Variants in KALRN observed in about 807,000 individuals in gnomAD.
KALRN encodes the protein kalirin RhoGEF kinase.
KALRN carries 70 observed loss-of-function variants against 353.7 expected under a neutral mutation model. The ratio of observed to expected loss-of-function variants is 0.20; its 90% CI spans 0.16 to 0.24. KALRN has a LOEUF of 0.24. KALRN is among the 10% of genes least tolerant of loss of function. The probability of loss-of-function intolerance (pLI) is 1.00; values close to 1 mark genes in which losing one functional copy is unlikely to be tolerated. For missense variants in KALRN, 2,791 were observed against 3,756.7 expected (o/e 0.74, Z 6.72); for synonymous variants, 1,391 against 1,434.8 (o/e 0.97, Z 0.69).
At chr3:124,395,377 C>G in intron 12 of KALRN, 34 bp downstream of exon 12, 1 of 1,557,442 alleles carries the variant, frequency 6.4e-7, no homozygotes, top group Non-Finnish European at 8.8e-7. Flanking sequence ...GTGGGAAATG[C>G]CTCGGGCTAG....
At chr3:124,659,703 T>G (rs1439947873) in intron 43 of KALRN, among the ~76,000 whole-genome samples, 1 of 152,154 alleles carries the variant, frequency 6.6e-6, no homozygotes. Flanking sequence ...CTTGATTTTA[T>G]TTTTTCAATT....
chr3:124,270,077 A>C (rs1278820385), intron 5 of KALRN, among the ~76,000 whole-genome samples: 1 of 152,240 alleles, frequency 6.6e-6, no homozygotes, highest in Non-Finnish European at 1.5e-5. Flanking sequence ...TGAGGATACA[A>C]AGGTATCTTT....
At chr3:124,430,891 G>A (rs1035152036) in intron 16 of KALRN, 116 bp downstream of exon 16, 58 of 1,285,782 alleles carry the variant, frequency 4.5e-5, no homozygotes, top group Non-Finnish European at 6.1e-5. Context: ...ACCCCTTCTA[G>A]TAGAATGGTC....
intron 51 of KALRN, among the ~76,000 whole-genome samples, chr3:124,692,870 C>T (rs2061884346): frequency 6.6e-6 from 1 of 152,192 alleles, no homozygotes; most frequent in Non-Finnish European, 1.5e-5. Flanking sequence ...TTTTTTAAAA[C>T]AATGCCAGGC....
rs535015047 is a variant in KALRN, at chr3:124,168,654, C to A, written c.74-59336C>A. ...AGGTGACTCTACCCTCTCTGCTTATCTCTTGGTCAACTTTCCGTCTGCTTC... is the reference window on the plus strand; with the variant it reads ...AGGTGACTCTACCCTCTCTGCTTATATCTTGGTCAACTTTCCGTCTGCTTC... On this transcript the variant is annotated intron_variant, in intron 1 of 59. Transcript: ENST00000682506. 2.0e-5 allele frequency among the ~76,000 whole-genome samples: 3 copies of A among 152,314 alleles called. No individual in the cohort carries two copies. In the South Asian group the frequency reaches 6.2e-4, roughly 32 times the overall value.
chr3:124,462,517 C>T lies in KALRN; in HGVS notation c.3922-7C>T, dbSNP rs771633415. 7.7e-6 allele frequency: 12 copies of T among 1,554,360 alleles called. No individual in the cohort carries two copies. The highest frequency in any genetic ancestry group is 9.8e-6 in the Non-Finnish European group (11 of 1,125,942). On this transcript the variant is annotated splice_region_variant and splice_polypyrimidine_tract_variant and intron_variant, in intron 24 of 59. Coordinates refer to ENST00000682506, the MANE Select transcript of KALRN (RefSeq NM_001388419.1). ...TTGCCAGTGATGAAACTGTTACTGT[C>T]TTACAGACCTACCTGTGGGAAATGA...
intron 13 of KALRN, among the ~76,000 whole-genome samples, chr3:124,399,350 CT>C (rs1455184314): frequency 1.3e-5 from 2 of 152,136 alleles, no homozygotes; most frequent in African/African-American, 4.8e-5. Flanking sequence ...GTTGGTCAGG[CT>C]GGTCTCGAAC....
chr3:124,209,636 A>G (rs1038580914), intron 1 of KALRN, among the ~76,000 whole-genome samples: 6 of 152,178 alleles, frequency 3.9e-5, no homozygotes, highest in African/African-American at 1.4e-4. Context: ...GTTTTAGAGA[A>G]ACCACTAAGA....
chr3:124,230,569 A>G (rs1013724653), intron 2 of KALRN, among the ~76,000 whole-genome samples: 1 of 152,216 alleles, frequency 6.6e-6, no homozygotes, highest in African/African-American at 2.4e-5. Context: ...AGCTCATAGA[A>G]GCAACGTGGC....
At chr3:124,651,623 T>C (rs2083423461) in intron 38 of KALRN, among the ~76,000 whole-genome samples, 1 of 146,964 alleles carries the variant, frequency 6.8e-6, no homozygotes, top group African/African-American at 2.5e-5. Context: ...TTTCATTTTC[T>C]TTTTCTTTTC....
chr3:124,064,604 TGAG>T (rs561029806), intron 1 of KALRN, among the ~76,000 whole-genome samples: 1 of 152,116 alleles, frequency 6.6e-6, no homozygotes, highest in African/African-American at 2.4e-5. Flanking sequence ...CACCTAGGGT[TGAG>T]GAGGAAATCT....
intron 10 of KALRN, among the ~76,000 whole-genome samples, chr3:124,365,391 A>C (rs576865999): frequency 6.6e-6 from 1 of 152,296 alleles, no homozygotes; most frequent in African/African-American, 2.4e-5. Flanking sequence ...CCAACACTAC[A>C]GTATGGTTCT....
chr3:124,434,564 G>T lies in KALRN; in HGVS notation c.3048+39G>T, dbSNP rs774228406. On this transcript the variant is annotated intron_variant, in intron 17 of 59. Coordinates refer to ENST00000682506, the MANE Select transcript of KALRN (RefSeq NM_001388419.1). ...CTGTGGGGCTTGTGGGGCTGAGATT[G>T]CCAGGGGGCCATTTTCTGCCTTGCA... The T allele has an allele frequency of 3.1e-6, 5 of 1,593,884 alleles. No homozygotes were observed. In the South Asian group the frequency reaches 5.6e-5, roughly 18 times the overall value.
intron 3 of KALRN, among the ~76,000 whole-genome samples, chr3:124,254,278 G>T (rs548364618): frequency 1.3e-5 from 2 of 152,186 alleles, no homozygotes; most frequent in African/African-American, 4.8e-5. Context: ...TGGCCCAAAT[G>T]GCTAAGATAT....
chr3:124,375,003 T>C (rs896273336), intron 10 of KALRN, among the ~76,000 whole-genome samples: 2 of 152,204 alleles, frequency 1.3e-5, no homozygotes, highest in Non-Finnish European at 2.9e-5. Flanking sequence ...CATCTGTATA[T>C]TTAAGTCTAT....
intron 3 of KALRN, among the ~76,000 whole-genome samples, chr3:124,259,349 T>C (rs949072345): frequency 6.6e-6 from 1 of 152,194 alleles, no homozygotes; most frequent in Non-Finnish European, 1.5e-5. Context: ...AGGCATCAGC[T>C]GATAGCTCCA....
intron 3 of KALRN, among the ~76,000 whole-genome samples, chr3:124,240,864 G>A (rs575061364): frequency 1.6e-4 from 25 of 152,220 alleles, no homozygotes; most frequent in South Asian, 4.2e-4. Context: ...GGTATTGTGA[G>A]GAATTATCTA....
chr3:124,692,689 G>A (rs1254265163), intron 51 of KALRN, among the ~76,000 whole-genome samples: 3 of 152,166 alleles, frequency 2.0e-5, no homozygotes, highest in Non-Finnish European at 2.9e-5. Context: ...GTTATTTGCC[G>A]GGCATTGTGC....
intron 21 of KALRN, 114 bp downstream of exon 21, chr3:124,446,999 G>C: frequency 8.2e-7 from 1 of 1,216,336 alleles, no homozygotes; most frequent in Non-Finnish European, 1.2e-6. Context: ...GGCTACAGTG[G>C]CAAGGGGGGA....
Sources: allele counts gnomAD v4.1 joint callset (sites outside exome capture counted in the v4.1 genomes callset), GRCh38; gene constraint gnomAD v4.1.1; transcripts MANE v1.5; gene names NCBI Gene and HGNC (gene_info 2026-07-23, HGNC 2026-07-21).